Variants in RBFOX1 observed in about 807,000 individuals in gnomAD.
RBFOX1 encodes RNA binding protein fox-1 homolog 1.
A neutral mutation model predicts 57.7 loss-of-function variants in RBFOX1; 8 were observed. The observed-to-expected ratio is 0.14, with a 90% CI of 0.08 to 0.25. The LOEUF (loss-of-function observed/expected upper bound fraction) is 0.25. RBFOX1 is among the 10% of genes least tolerant of loss of function. The probability of loss-of-function intolerance (pLI) is 1.00; values close to 1 mark genes in which losing one functional copy is unlikely to be tolerated. For missense variants in RBFOX1, 611 were observed against 548.5 expected, an observed-to-expected ratio of 1.11 and a Z score of -1.14; for synonymous variants, 326 against 222.4, an observed-to-expected ratio of 1.47 and a Z score of -4.15.
At chr16:5,508,512 C>T (rs924081598) in intron 2 of RBFOX1, among the ~76,000 whole-genome samples, 4 of 152,198 alleles carry the variant, frequency 2.6e-5, no homozygotes, top group Admixed American at 6.5e-5. Context: ...TGCCCACTCC[C>T]GAGGTCGGGT....
intron 1 of RBFOX1, among the ~76,000 whole-genome samples, chr16:6,227,306 A>AT (rs2097425366): frequency 6.6e-6 from 1 of 152,112 alleles, no homozygotes. Context: ...AAGAATTTGA[A>AT]TTTTTTAAAA....
chr16:7,291,099 C>G (rs2095762375), intron 4 of RBFOX1, among the ~76,000 whole-genome samples: 1 of 152,108 alleles, frequency 6.6e-6, no homozygotes, highest in South Asian at 2.1e-4. Context: ...ATGCACTGGG[C>G]ATAAGTGATT....
chr16:6,262,404 G>GAGT (rs2097706925), intron 1 of RBFOX1, among the ~76,000 whole-genome samples: 1 of 152,090 alleles, frequency 6.6e-6, no homozygotes, highest in East Asian at 1.9e-4. Context: ...GGGGGGTGGT[G>GAGT]AGTGTGCCCT....
intron 1 of RBFOX1, among the ~76,000 whole-genome samples, chr16:5,280,107 C>T (rs1490175412): frequency 6.6e-6 from 1 of 152,018 alleles, no homozygotes; most frequent in African/African-American, 2.4e-5. Flanking sequence ...TTGAAGTGTT[C>T]CTTGTATGCC....
At chr16:5,540,867 T>C (rs1209930609) in intron 2 of RBFOX1, among the ~76,000 whole-genome samples, 1 of 152,196 alleles carries the variant, frequency 6.6e-6, no homozygotes, top group Non-Finnish European at 1.5e-5. Flanking sequence ...TTTTATGTTT[T>C]TAGACAGAGT....
intron 3 of RBFOX1, among the ~76,000 whole-genome samples, chr16:5,775,622 TC>T (rs1188716772): frequency 3.9e-5 from 6 of 152,200 alleles, no homozygotes; most frequent in African/African-American, 1.4e-4. Flanking sequence ...TTCCCTTGTC[TC>T]TGTTCATCCA....
At chr16:7,649,368 A>G (rs990904493) in intron 11 of RBFOX1, among the ~76,000 whole-genome samples, 1 of 152,232 alleles carries the variant, frequency 6.6e-6, no homozygotes, top group Non-Finnish European at 1.5e-5. Context: ...GGATATCAGG[A>G]CACTCCTAAA....
At chr16:7,025,802 G>A (rs1255798581) in intron 3 of RBFOX1, among the ~76,000 whole-genome samples, 7 of 152,088 alleles carry the variant, frequency 4.6e-5, no homozygotes, top group African/African-American at 1.2e-4. Context: ...GGCGCTGCAG[G>A]GATTCAAACT....
intron 3 of RBFOX1, among the ~76,000 whole-genome samples, chr16:6,699,586 A>G (rs577551554): frequency 1.0e-3 from 159 of 152,338 alleles, no homozygotes; most frequent in African/African-American, 3.5e-3. Context: ...CATAACAGAC[A>G]AATGGGCTCT....
At chr16:7,209,469 C>T (rs1401318325) in intron 4 of RBFOX1, among the ~76,000 whole-genome samples, 1 of 152,164 alleles carries the variant, frequency 6.6e-6, no homozygotes, top group Non-Finnish European at 1.5e-5. Flanking sequence ...GGATAATAAC[C>T]TCAAGGCCTT....
chr16:5,485,345 CAAAAAAAAAAAA>C (rs71142624), intron 2 of RBFOX1, among the ~76,000 whole-genome samples: 2 of 51,692 alleles, frequency 3.9e-5, no homozygotes, highest in Admixed American at 3.0e-4. Context: ...GACTCCGTGT[CAAAAAAAAAAAA>C]AAAAAAAAAA....
At chr16:6,429,286 CA>C (rs1230561950) in intron 2 of RBFOX1, among the ~76,000 whole-genome samples, 3 of 152,244 alleles carry the variant, frequency 2.0e-5, no homozygotes, top group African/African-American at 7.2e-5. Context: ...ATCAGCCGTG[CA>C]CACGGCCCTG....
At chr16:5,977,045 C>G (rs933148460) in intron 4 of RBFOX1, among the ~76,000 whole-genome samples, 1 of 152,038 alleles carries the variant, frequency 6.6e-6, no homozygotes, top group Non-Finnish European at 1.5e-5. Context: ...AGATCACAGA[C>G]ACAGGGCATC....
intron 3 of RBFOX1, among the ~76,000 whole-genome samples, chr16:6,845,677 G>T (rs2093716083): frequency 6.6e-6 from 1 of 152,086 alleles, no homozygotes; most frequent in Non-Finnish European, 1.5e-5. Context: ...GAAAATTTCA[G>T]AGATCTCACC....
chr16:6,279,738 A>G (rs189126545), intron 1 of RBFOX1, among the ~76,000 whole-genome samples: 2 of 152,200 alleles, frequency 1.3e-5, no homozygotes, highest in East Asian at 3.9e-4. Flanking sequence ...ATTTATCTGA[A>G]TTTTCTTTTG....
intron 1 of RBFOX1, among the ~76,000 whole-genome samples, chr16:5,401,764 T>TCTC (rs71142618): frequency 0.068 from 7,065 of 103,432 alleles, 185 homozygotes; most frequent in Non-Finnish European, 0.076. Context: ...TCCCTGTCTC[T>TCTC]CTCCTCCTCC....
At chr16:6,435,304 T>G (rs1274648924) in intron 2 of RBFOX1, among the ~76,000 whole-genome samples, 1 of 152,036 alleles carries the variant, frequency 6.6e-6, no homozygotes, top group Non-Finnish European at 1.5e-5. Flanking sequence ...TGTTTTTTGT[T>G]TTGTTTTTGT....
intron 14 of RBFOX1, among the ~76,000 whole-genome samples, chr16:7,695,677 G>C (rs1001055941): frequency 1.3e-4 from 18 of 141,526 alleles, no homozygotes; most frequent in Non-Finnish European, 2.5e-4. Context: ...AAAAAATCCT[G>C]CTGTGCCCAC....
chr16:5,487,123 CCAGA>C (rs2042655227), intron 2 of RBFOX1, among the ~76,000 whole-genome samples: 1 of 152,178 alleles, frequency 6.6e-6, no homozygotes, highest in African/African-American at 2.4e-5. Flanking sequence ...CGGGAGTTCT[CCAGA>C]CAATGTCCAC....
Sources: gnomAD v4.1 joint callset for allele counts (sites outside exome capture counted in the v4.1 genomes callset) on GRCh38, gnomAD v4.1.1 for gene constraint, MANE v1.5 for transcripts, NCBI Gene and HGNC (gene_info 2026-07-23, HGNC 2026-07-21) for gene names.